Variants in BAHCC1 observed in about 807,000 individuals in gnomAD.
BAHCC1 encodes BAH domain and coiled-coil containing 1.
In BAHCC1, 43 loss-of-function variants were observed where a neutral mutation model predicts 88.2. The observed-to-expected ratio is 0.49, with a 90% CI of 0.38 to 0.63. BAHCC1 has a LOEUF of 0.63. Among genes scored for constraint, BAHCC1 ranks in the 20% least tolerant of loss-of-function variants. The pLI is 0.00. For synonymous variants in BAHCC1, 1,510 were observed against 745.5 expected (o/e 2.03, Z -16.71); for missense variants, 3,023 against 1,654.8 (o/e 1.83, Z -14.34).
At position 81,447,083 on chromosome 17, in the gene BAHCC1, C is replaced by T. The variant is rs1555654605; in HGVS notation, c.3211C>T (p.Leu1071=). Residue 1071 remains leucine (L), a synonymous_variant, in exon 11 of 28, where the codon CTA becomes TTA. Transcript: ENST00000675386. ...LRPMAGLGFS[L]PSDVHSSNLE... ...CCCCATGGCTGGCCTGGGCTTCTCCCTACCCTCAGACGTGCACTCTTCTAA... is the reference window on the plus strand; with the variant it reads ...CCCCATGGCTGGCCTGGGCTTCTCCTTACCCTCAGACGTGCACTCTTCTAA... The T allele has an allele frequency of 1.3e-6, 1 of 779,404 alleles. No individual in the cohort carries two copies. The highest frequency in any genetic ancestry group is 1.7e-5 in the Admixed American group (1 of 59,038). The allele number at this position is 779,404 out of a possible 1,614,324, so 48.3% of individuals were successfully genotyped here.
chr17:81,432,699 A>C, intron 3 of BAHCC1, among the ~76,000 whole-genome samples: 1 of 22,622 alleles, frequency 4.4e-5, no homozygotes, highest in Admixed American at 6.0e-4. Context: ...CCTCCCCCGC[A>C]TCCCCAGGCC....
Position 81,465,887 on chromosome 17 carries a change from G to A in BAHCC1, c.*2070G>A, listed in dbSNP as rs1160476759. ...CCGGTGGTTGTCTGGGGAGGTGGTT[G>A]GACGAGGTCCTGCTTGAGGCTCGGG... On this transcript the variant is annotated 3_prime_UTR_variant, in exon 28 of 28. Transcript: ENST00000675386. 6.6e-6 allele frequency: 1 copy of A among 152,292 alleles called. No individual in the cohort carries two copies. Among genetic ancestry groups the A allele is most frequent in the Admixed American group, 6.6e-5 (1 of 15,260 alleles). 9.4% of individuals were successfully genotyped at this position (152,292 alleles called of 1,614,324 possible).
At chr17:81,413,371 C>T (rs1312835264) in intron 2 of BAHCC1, among the ~76,000 whole-genome samples, 4 of 152,234 alleles carry the variant, frequency 2.6e-5, no homozygotes, top group African/African-American at 7.2e-5. Flanking sequence ...TCTGCACCCC[C>T]GTGCCAGCCT....
intron 3 of BAHCC1, among the ~76,000 whole-genome samples, chr17:81,431,858 G>A (rs2064264616): frequency 6.6e-6 from 1 of 152,166 alleles, no homozygotes; most frequent in Non-Finnish European, 1.5e-5. Flanking sequence ...TGCTCTCCAG[G>A]AGCCAGGGAC....
chr17:81,405,510 C>G (rs1555646697), intron 2 of BAHCC1, among the ~76,000 whole-genome samples: 1 of 152,136 alleles, frequency 6.6e-6, no homozygotes, highest in African/African-American at 2.4e-5. Context: ...CCTCCCCCGC[C>G]CCCAATCCTG....
intron 23 of BAHCC1, 133 bp from the exon 24 acceptor site, chr17:81,460,144 A>G: frequency 1.6e-6 from 1 of 629,898 alleles, no homozygotes; most frequent in Non-Finnish European, 2.9e-6. Flanking sequence ...GGGCGGCTCC[A>G]CTGTCTGTGT....
intron 15 of BAHCC1, 189 bp from the exon 16 acceptor site, chr17:81,456,108 C>T (rs564582082): frequency 5.1e-5 from 28 of 551,942 alleles, no homozygotes; most frequent in African/African-American, 3.7e-4. Context: ...TGGGAAAGGC[C>T]GCAGCGTAGG....
chr17:81,405,177 C>T (rs992146434), intron 2 of BAHCC1, among the ~76,000 whole-genome samples: 8 of 152,204 alleles, frequency 5.3e-5, no homozygotes, highest in South Asian at 2.1e-4. Context: ...AAGCCATTGT[C>T]GTGCCTCAGT....
At chr17:81,405,921 G>A (rs1555646799) in intron 2 of BAHCC1, among the ~76,000 whole-genome samples, 1 of 152,228 alleles carries the variant, frequency 6.6e-6, no homozygotes, top group Non-Finnish European at 1.5e-5. Context: ...CTCTTTTGGA[G>A]TGGTCTTCTC....
chr17:81,448,491 T>C (rs2064574444), intron 11 of BAHCC1, among the ~76,000 whole-genome samples: 1 of 152,162 alleles, frequency 6.6e-6, no homozygotes, highest in African/African-American at 2.4e-5. Context: ...GGTCCAGTGC[T>C]CCCGGGAAAG....
intron 2 of BAHCC1, among the ~76,000 whole-genome samples, chr17:81,405,700 C>T (rs551201716): frequency 6.6e-6 from 1 of 152,280 alleles, no homozygotes; most frequent in Non-Finnish European, 1.5e-5. Context: ...TCCATCGTGC[C>T]CCCCTGCCCT....
chr17:81,404,719 C>A (rs1248509268), intron 2 of BAHCC1, among the ~76,000 whole-genome samples: 1 of 152,226 alleles, frequency 6.6e-6, no homozygotes, highest in Non-Finnish European at 1.5e-5. Flanking sequence ...TTACATATGT[C>A]ATCAGAGCTG....
At position 81,458,363 on chromosome 17, in the gene BAHCC1, A is replaced by G. The variant is rs781929927; in HGVS notation, c.5240A>G (p.Asn1747Ser). 15 of 721,926 alleles carry G rather than the reference A, an allele frequency of 2.1e-5. No homozygotes were observed. The highest frequency in any genetic ancestry group is 1.3e-5 in the Non-Finnish European group (5 of 392,714). The allele number at this position is 721,926 out of a possible 1,614,324, so 44.7% of individuals were successfully genotyped here. A position where few individuals can be genotyped will look rare whatever the true frequency, so the allele number is the denominator to read the frequency against. Residue 1747 changes from asparagine to serine, a missense_variant, in exon 18 of 28, where the codon AAC (asparagine) becomes AGC (serine). Transcript: ENST00000675386. ...GATPSRDALF[N>S]PSRAFACREE... ...ACCCCCAGCAGGGACGCCCTCTTCA[A>G]CCCCTCTCGGGCCTTCGCCTGCCGT...
rs1347257142 is a variant in BAHCC1, at chr17:81,411,270, G to A, written c.178+11353G>A. The stretch of plus-strand genomic sequence containing the variant: ...AGTTGAGCAGCTCCCCTTCTCGGCA[G>A]CTCCCAAACCCTGACCCCAGACAGG... On this transcript the variant is annotated intron_variant, in intron 2 of 27. Transcript: ENST00000675386. This position sits in a 1 kb window ranked among gnomAD's most constrained non-coding sequence, Gnocchi z 6.2. The A allele has an allele frequency of 4.2e-6, 2 of 472,734 alleles. No homozygotes were observed. The highest frequency in any genetic ancestry group is 6.2e-5 in the East Asian group (1 of 16,142). The allele number at this position is 472,734 out of a possible 1,614,324, so 29.3% of individuals were successfully genotyped here.
intron 22 of BAHCC1, 79 bp from the exon 23 acceptor site, chr17:81,459,417 C>T: frequency 7.9e-6 from 6 of 763,604 alleles, no homozygotes; most frequent in Admixed American, 1.7e-5. Flanking sequence ...GCAGCCACTC[C>T]CAGGCCCAGG....
In BAHCC1 at chr17:81,444,193, G is replaced by T. The variant is rs1393932782; in HGVS notation, c.2325-188G>T. 19 of 606,740 alleles carry T rather than the reference G, an allele frequency of 3.1e-5. No homozygotes were observed. In the Admixed American group the frequency reaches 5.5e-4, roughly 17 times the overall value. 37.6% of individuals were successfully genotyped at this position (606,740 alleles called of 1,614,324 possible). On this transcript the variant is annotated intron_variant, in intron 6 of 27. Coordinates refer to ENST00000675386, the MANE Select transcript of BAHCC1 (RefSeq NM_001377448.1). ...GCAGAGCACTGAGGCTGGAGCCTGG[G>T]GTTTTCCCTGAGCCTCCAGGTCCCG...
intron 2 of BAHCC1, chr17:81,421,890 G>T (rs1437808587): frequency 1.1e-5 from 4 of 363,356 alleles, no homozygotes; most frequent in East Asian, 1.1e-4. Flanking sequence ...CGGAATTGGG[G>T]TGCAGCATGC....
In BAHCC1 at chr17:81,442,764, G is replaced by T. The variant is rs1555652952; in HGVS notation, c.1415G>T (p.Ser472Ile). Residue 472 changes from serine to isoleucine, a missense_variant, in exon 5 of 28, where the codon AGC becomes ATC. Coordinates refer to ENST00000675386, the MANE Select transcript of BAHCC1 (RefSeq NM_001377448.1). The stretch of plus-strand genomic sequence containing the variant: ...CGGCTAAAGGGCCTCGACTATCTCA[G>T]CAGCGCAGGCCCCGAGGCCTCCTTC... ...NPRLKGLDYL[S>I]SAGPEASFPG... 3 of 779,374 alleles carry T rather than the reference G, an allele frequency of 3.8e-6. No individual in the cohort carries two copies. The South Asian group carries it at 4.0e-5, about 10-fold the overall frequency. 48.3% of individuals were successfully genotyped at this position (779,374 alleles called of 1,614,324 possible).
At chr17:81,428,395 G>A (rs1430569189) in intron 3 of BAHCC1, among the ~76,000 whole-genome samples, 1 of 152,190 alleles carries the variant, frequency 6.6e-6, no homozygotes, top group Non-Finnish European at 1.5e-5. Context: ...TGCGGCAGCC[G>A]TGGTGAACCC....
Sources: allele counts gnomAD v4.1 joint callset (sites outside exome capture counted in the v4.1 genomes callset), GRCh38; gene constraint gnomAD v4.1.1; non-coding constraint Gnocchi (gnomAD v3.1); transcripts MANE v1.5; gene names NCBI Gene and HGNC (gene_info 2026-07-23, HGNC 2026-07-21).